HEPACAM2: variants seen among roughly 807,000 people sequenced by gnomAD.
The protein encoded by HEPACAM2 is HEPACAM family member 2.
HEPACAM2 carries 49 observed loss-of-function variants against 49.6 expected under a neutral mutation model. The ratio of observed to expected loss-of-function variants is 0.99; its 90% CI spans 0.78 to 1.25. The LOEUF (loss-of-function observed/expected upper bound fraction) is 1.25, where lower values mean the gene tolerates loss of function less well. Among genes scored for constraint, HEPACAM2 ranks in the 50% most tolerant of loss-of-function variants. The pLI is 0.00. For synonymous variants in HEPACAM2, 197 were observed against 202.9 expected, an observed-to-expected ratio of 0.97 and a Z score of 0.25; for missense variants, 525 against 557.2, an observed-to-expected ratio of 0.94 and a Z score of 0.58.
Position 93,208,731 on chromosome 7 carries a change from G to T in HEPACAM2, c.861C>A (p.Asp287Glu), listed in dbSNP as rs1474008191. 1.2e-6 allele frequency: 2 copies of T among 1,613,180 alleles called. No individual in the cohort carries two copies. The highest frequency in any genetic ancestry group is 3.3e-5 in the Admixed American group (2 of 59,892). ...PNTYSWIRRT[D>E]NTTYIIKHGP... The stretch of plus-strand genomic sequence containing the variant: ...CATGCTTAATGATATATGTAGTATT[G>T]TCAGTCCTCCTAATCCAGGAGTAGG... Residue 287 changes from aspartate to glutamate, a missense_variant, in exon 4 of 10, where the codon GAC becomes GAA. Transcript: ENST00000394468.
chr7:93,215,411 G>A lies in HEPACAM2; in HGVS notation c.705C>T (p.Pro235=), dbSNP rs752962182. 2.5e-6 allele frequency: 4 copies of A among 1,612,888 alleles called. No homozygotes were observed. The South Asian group carries it at 4.4e-5, about 18-fold the overall frequency. ...VSEMESDIIM[P]IIYYGPYGLQ... is the part of the protein sequence containing the mutation. The stretch of plus-strand genomic sequence containing the variant: ...AAAAAATAAACTTACAATATATGAT[G>A]GGCATAATGATATCACTTTCCATTT... The change falls in exon 3 of 10, where the codon CCC becomes CCT. Residue 235 remains proline, a synonymous_variant. Coordinates refer to ENST00000394468, the MANE Select transcript of HEPACAM2 (RefSeq NM_001039372.4).
rs374278148 is a variant in HEPACAM2, at chr7:93,188,921, T to C, written c.*346A>G. 17 of 403,634 alleles carry C rather than the reference T, an allele frequency of 4.2e-5. No homozygotes were observed. Among genetic ancestry groups the C allele is most frequent in the African/African-American group, 2.7e-4 (13 of 48,704 alleles). The allele number at this position is 403,634 out of a possible 1,614,324, so 25.0% of individuals were successfully genotyped here. A position where few individuals can be genotyped will look rare whatever the true frequency, so the allele number is the denominator to read the frequency against. The stretch of plus-strand genomic sequence containing the variant: ...GACAGGATAGTCTCAGTGTTGATGA[T>C]AGTGAAAGTGTAGAGTAGAACTAAT... On this transcript the variant is annotated 3_prime_UTR_variant, in exon 10 of 10. Transcript: ENST00000394468.
chr7:93,190,887 A>G (rs2116619251), intron 9 of HEPACAM2, among the ~76,000 whole-genome samples: 1 of 152,128 alleles, frequency 6.6e-6, no homozygotes, highest in Admixed American at 6.6e-5. Context: ...TTCGTTCTTA[A>G]TAACCTTAAA....
chr7:93,195,918 A>T lies in HEPACAM2; in HGVS notation c.1202-17T>A. The T allele has an allele frequency of 2.5e-6, 4 of 1,579,194 alleles. No homozygotes were observed. Among genetic ancestry groups the T allele is most frequent in the Non-Finnish European group, 3.5e-6 (4 of 1,150,390 alleles). On this transcript the variant is annotated splice_polypyrimidine_tract_variant and intron_variant, in intron 7 of 9. Transcript: ENST00000394468. Reference sequence around the variant, plus strand: ...CTTCATGGCCTGAAATGTAAAACAAATACTGCTTACAAACCGAATGCCTTG... The same window carrying T: ...CTTCATGGCCTGAAATGTAAAACAATTACTGCTTACAAACCGAATGCCTTG...
chr7:93,226,397 A>AC lies in HEPACAM2; in HGVS notation c.49_50insG (p.Phe17CysfsTer55). 6.2e-7 allele frequency: 1 copy of AC among 1,613,558 alleles called. No homozygotes were observed. Among genetic ancestry groups the AC allele is most frequent in the East Asian group, 2.2e-5 (1 of 44,876 alleles). On this transcript the variant is annotated frameshift_variant, in exon 1 of 10. Transcript: ENST00000394468. LOFTEE classifies it high-confidence loss of function. ...GAGAAGGAGGTATATTTTGCACTGA[A>AC]AGACCCCAAGTGTGTCACCGAAGGG... is the stretch of plus-strand genomic sequence containing the variant.
chr7:93,221,340 G>C (rs1317730293), intron 1 of HEPACAM2, among the ~76,000 whole-genome samples: 1 of 151,678 alleles, frequency 6.6e-6, no homozygotes, highest in South Asian at 2.1e-4. Context: ...ACATTTTTTT[G>C]ATTTCATTCT....
intron 2 of HEPACAM2, among the ~76,000 whole-genome samples, chr7:93,218,129 C>T (rs929730341): frequency 7.2e-5 from 11 of 151,958 alleles, no homozygotes; most frequent in Non-Finnish European, 1.2e-4. Flanking sequence ...TGGCCAGAAC[C>T]GAGTGAGTGA....
At chr7:93,230,446 A>G (rs796529638), upstream of HEPACAM2, among the ~76,000 whole-genome samples, 3 of 152,370 alleles carry the variant, frequency 2.0e-5, no homozygotes, top group East Asian at 3.9e-4. Flanking sequence ...CACACACCTC[A>G]GGTGAATCTG....
intron 7 of HEPACAM2, among the ~76,000 whole-genome samples, chr7:93,196,211 T>C (rs1793714403): frequency 6.6e-6 from 1 of 152,104 alleles, no homozygotes; most frequent in Non-Finnish European, 1.5e-5. Flanking sequence ...CAGAGACTCA[T>C]GGTCACCAGG....
chr7:93,209,735 A>G (rs1202932862), intron 3 of HEPACAM2, among the ~76,000 whole-genome samples: 1 of 151,882 alleles, frequency 6.6e-6, no homozygotes, highest in African/African-American at 2.4e-5. Context: ...GATTATGGCC[A>G]CTATTTTCTC....
intron 4 of HEPACAM2, among the ~76,000 whole-genome samples, chr7:93,204,360 A>G (rs186101070): frequency 2.0e-5 from 3 of 150,958 alleles, no homozygotes; most frequent in East Asian, 1.9e-4. Context: ...CTATCTATCT[A>G]TCTATCTATC....
rs1181280036 is a variant in HEPACAM2 at position 93,192,257 on chromosome 7, G to A, written c.1382C>T (p.Pro461Leu). ...TCAAATGCAGATTCGTACTTACTCT[G>A]GATGGTCTTGCTGCTGGGCAGGGAT... ...QHIPAQQQDH[P>L]E The change falls in exon 9 of 10, where the codon CCA becomes CTA. Residue 461 changes from proline (P) to leucine (L), a missense_variant. Pro to Leu is a moderately conservative substitution (Grantham distance 98). Transcript: ENST00000394468. The A allele has an allele frequency of 1.9e-6, 3 of 1,607,786 alleles. No individual in the cohort carries two copies. The highest frequency in any genetic ancestry group is 2.6e-6 in the Non-Finnish European group (3 of 1,174,794).
intron 4 of HEPACAM2, among the ~76,000 whole-genome samples, chr7:93,197,931 T>A (rs562680903): frequency 6.6e-6 from 1 of 152,254 alleles, no homozygotes; most frequent in East Asian, 1.9e-4. Context: ...CATCTCATTG[T>A]CTCTACATTC....
chr7:93,212,046 T>C (rs1245799998), intron 3 of HEPACAM2, among the ~76,000 whole-genome samples: 1 of 151,994 alleles, frequency 6.6e-6, no homozygotes, highest in African/African-American at 2.4e-5. Context: ...GGAGTTGCCT[T>C]AGGACCCTGC....
Position 93,208,570 on chromosome 7 carries a change from T to C in HEPACAM2, c.1012+10A>G. The C allele has an allele frequency of 6.2e-7, 1 of 1,607,922 alleles. No homozygotes were observed. Among genetic ancestry groups the C allele is most frequent in the East Asian group, 2.2e-5 (1 of 44,722 alleles). Reference sequence around the variant, plus strand: ...TTTATTAGGATCCCTTCCTTGTATGTCACACATACCTACGGAAGTGATGAT... The same window carrying C: ...TTTATTAGGATCCCTTCCTTGTATGCCACACATACCTACGGAAGTGATGAT... On this transcript the variant is annotated intron_variant, in intron 4 of 9. Transcript: ENST00000394468.
chr7:93,211,395 C>T (rs921112829), intron 3 of HEPACAM2, among the ~76,000 whole-genome samples: 13 of 152,010 alleles, frequency 8.6e-5, no homozygotes, highest in African/African-American at 3.1e-4. Flanking sequence ...TCTCTCATTT[C>T]AGGCTGTGAC....
In HEPACAM2 at chr7:93,189,084, T is replaced by A. The variant is rs960498370; in HGVS notation, c.*183A>T. ...TTTCTGTTGCACAAGACATTGTGTA[T>A]ATGCTGAAAAACCTGCAGTTCAATT... On this transcript the variant is annotated 3_prime_UTR_variant, in exon 10 of 10. Transcript: ENST00000394468. 2.5e-5 allele frequency: 13 copies of A among 525,888 alleles called. No individual in the cohort carries two copies. Among genetic ancestry groups the A allele is most frequent in the African/African-American group, 2.3e-4 (12 of 51,222 alleles). 32.6% of individuals were successfully genotyped at this position (525,888 alleles called of 1,614,324 possible).
rs549137310 is a variant in HEPACAM2 at position 93,220,774 on chromosome 7, G to A, written c.80-1323C>T. Among the ~76,000 whole-genome samples, 29 of 152,222 alleles carry A rather than the reference G, an allele frequency of 1.9e-4. No individual in the cohort carries two copies. The South Asian group carries it at 4.4e-3, about 23-fold the overall frequency. ...GTTTCTGGCAACTGGAGATTTCCCC[G>A]TCTTACCTTAAGCCATGATATATTA... On this transcript the variant is annotated intron_variant, in intron 1 of 9. Coordinates refer to ENST00000394468, the MANE Select transcript of HEPACAM2 (RefSeq NM_001039372.4).
chr7:93,189,604 C>T (rs1286101595), intron 9 of HEPACAM2, among the ~76,000 whole-genome samples: 2 of 151,816 alleles, frequency 1.3e-5, no homozygotes, highest in Non-Finnish European at 2.9e-5. Context: ...CATAAGTTCA[C>T]TAAATAAATA....
Sources: allele counts gnomAD v4.1 joint callset (sites outside exome capture counted in the v4.1 genomes callset), GRCh38; gene constraint gnomAD v4.1.1; transcripts MANE v1.5; gene names NCBI Gene and HGNC (gene_info 2026-07-23, HGNC 2026-07-21).